Variants in RFX3 observed in about 807,000 individuals in gnomAD.
RFX3 encodes the protein transcription factor RFX3.
In RFX3, 14 loss-of-function variants were observed where a neutral mutation model predicts 98.6. That is an observed-to-expected ratio of 0.14 (90% CI 0.09 to 0.22). The LOEUF is 0.22. RFX3 is among the 10% of genes least tolerant of loss of function. The probability of loss-of-function intolerance (pLI) is 1.00; values close to 1 mark genes in which losing one functional copy is unlikely to be tolerated. For missense variants in RFX3, 639 were observed against 926.9 expected (o/e 0.69, Z 4.03); for synonymous variants, 383 against 328.4 (o/e 1.17, Z -1.80).
chr9:3,289,879 G>A (rs1827112957), intron 6 of RFX3, among the ~76,000 whole-genome samples: 1 of 151,878 alleles, frequency 6.6e-6, no homozygotes, highest in Non-Finnish European at 1.5e-5. Context: ...TGGTTTGAGT[G>A]GTTTCACCAG....
chr9:3,235,849 A>T (rs1197167155), intron 15 of RFX3, among the ~76,000 whole-genome samples: 1 of 152,152 alleles, frequency 6.6e-6, no homozygotes, highest in Non-Finnish European at 1.5e-5. Flanking sequence ...TCCCCATTTA[A>T]ATTCAACCAA....
At chr9:3,229,654 G>C (rs1818231635) in intron 15 of RFX3, among the ~76,000 whole-genome samples, 1 of 152,068 alleles carries the variant, frequency 6.6e-6, no homozygotes, top group Non-Finnish European at 1.5e-5. Flanking sequence ...GAGTAACAAA[G>C]CTAATCAAAA....
chr9:3,285,155 G>C (rs971964934), intron 7 of RFX3, among the ~76,000 whole-genome samples: 1 of 151,606 alleles, frequency 6.6e-6, no homozygotes, highest in Non-Finnish European at 1.5e-5. Context: ...TTCACTATAA[G>C]AACATATAAA....
intron 1 of RFX3, among the ~76,000 whole-genome samples, chr9:3,458,365 T>C (rs1847380224): frequency 6.6e-6 from 1 of 152,120 alleles, no homozygotes; most frequent in Non-Finnish European, 1.5e-5. Context: ...ATAAATAATG[T>C]CTAGAGCATA....
intron 11 of RFX3, among the ~76,000 whole-genome samples, chr9:3,268,661 T>A (rs1823978677): frequency 6.6e-6 from 1 of 151,940 alleles, no homozygotes; most frequent in African/African-American, 2.4e-5. Flanking sequence ...CAGAATAAAC[T>A]GGTTTTCAAA....
chr9:3,482,686 A>G (rs1440760429), intron 1 of RFX3, among the ~76,000 whole-genome samples: 1 of 152,202 alleles, frequency 6.6e-6, no homozygotes, highest in Non-Finnish European at 1.5e-5. Context: ...TAAAACCCTC[A>G]TAGTTGTTTC....
chr9:3,235,714 C>T (rs186931235), intron 15 of RFX3, among the ~76,000 whole-genome samples: 20 of 152,276 alleles, frequency 1.3e-4, no homozygotes, highest in Admixed American at 1.1e-3. Flanking sequence ...GAGTCTCACA[C>T]ATTGCGTCAC....
chr9:3,340,474 G>A lies in RFX3; in HGVS notation c.215+6193C>T, dbSNP rs544827072. Among the ~76,000 whole-genome samples, 6 of 152,242 alleles carry A rather than the reference G, an allele frequency of 3.9e-5. No individual in the cohort carries two copies. In the East Asian group the frequency reaches 5.8e-4, roughly 15 times the overall value. ...CATCAGAGTGAACAGACAACCTACA[G>A]AATGGGAGAAAATCTTTGCAATCTA... On this transcript the variant is annotated intron_variant, in intron 3 of 16. Transcript: ENST00000617270.
intron 7 of RFX3, among the ~76,000 whole-genome samples, chr9:3,282,303 A>G (rs1826011149): frequency 6.6e-6 from 1 of 151,794 alleles, no homozygotes; most frequent in African/African-American, 2.4e-5. Context: ...AATATATGCA[A>G]ATGACTTCTA....
At chr9:3,444,979 T>A (rs1011223907) in intron 1 of RFX3, among the ~76,000 whole-genome samples, 3 of 152,188 alleles carry the variant, frequency 2.0e-5, no homozygotes, top group Non-Finnish European at 4.4e-5. Context: ...CTTCCTGATC[T>A]TTAATGCCAC....
At chr9:3,271,445 C>T (rs1440160818) in intron 9 of RFX3, among the ~76,000 whole-genome samples, 3 of 150,822 alleles carry the variant, frequency 2.0e-5, no homozygotes, top group African/African-American at 4.9e-5. Context: ...CCTTCCCTCC[C>T]TCCCTCCCTT....
At chr9:3,419,893 A>G (rs1843297339) in intron 1 of RFX3, among the ~76,000 whole-genome samples, 1 of 152,218 alleles carries the variant, frequency 6.6e-6, no homozygotes, top group Non-Finnish European at 1.5e-5. Flanking sequence ...TTGAATCTGC[A>G]GATGCAGAAC....
chr9:3,403,943 A>G (rs1029760522), intron 1 of RFX3, among the ~76,000 whole-genome samples: 1 of 152,194 alleles, frequency 6.6e-6, no homozygotes, highest in Non-Finnish European at 1.5e-5. Flanking sequence ...TCTTGCCTAC[A>G]CAAGAATTTT....
At chr9:3,494,869 C>T (rs1850991623) in intron 1 of RFX3, among the ~76,000 whole-genome samples, 2 of 151,828 alleles carry the variant, frequency 1.3e-5, no homozygotes, top group Non-Finnish European at 2.9e-5. Context: ...TGAAAAAGGG[C>T]CTCCAGGGGT....
chr9:3,270,003 A>G (rs1291195089), intron 11 of RFX3, among the ~76,000 whole-genome samples: 1 of 151,874 alleles, frequency 6.6e-6, no homozygotes, highest in Non-Finnish European at 1.5e-5. Flanking sequence ...GTGTTCTTAC[A>G]AGTAGTTTAC....
intron 1 of RFX3, among the ~76,000 whole-genome samples, chr9:3,477,692 T>C (rs1849392392): frequency 6.6e-6 from 1 of 152,182 alleles, no homozygotes; most frequent in South Asian, 2.1e-4. Context: ...CACAGAGTAA[T>C]ATTTTTCAGC....
intron 1 of RFX3, among the ~76,000 whole-genome samples, chr9:3,493,597 T>C (rs1157159391): frequency 2.7e-5 from 4 of 146,582 alleles, no homozygotes; most frequent in East Asian, 4.0e-4. Flanking sequence ...GGCAGGAGAA[T>C]GGTGTGAACC....
At chr9:3,336,328 C>T (rs112376371) in intron 3 of RFX3, among the ~76,000 whole-genome samples, 105 of 151,434 alleles carry the variant, frequency 6.9e-4, no homozygotes, top group African/African-American at 2.2e-3. Context: ...ATTAGGGCTA[C>T]GTAACACAAG....
chr9:3,228,779 T>C, intron 16 of RFX3, 68 bp downstream of exon 16: 2 of 1,308,130 alleles, frequency 1.5e-6, no homozygotes, highest in South Asian at 1.3e-5. Flanking sequence ...ACATATACCG[T>C]ATTTTCCTCT....
Sources: allele counts gnomAD v4.1 joint callset (sites outside exome capture counted in the v4.1 genomes callset), GRCh38; gene constraint gnomAD v4.1.1; transcripts MANE v1.5; gene names NCBI Gene and HGNC (gene_info 2026-07-23, HGNC 2026-07-21).